PTPRG: variants seen among roughly 807,000 people sequenced by gnomAD.
The protein encoded by PTPRG is protein tyrosine phosphatase receptor type G.
PTPRG carries 102 observed loss-of-function variants against 165.3 expected under a neutral mutation model. The ratio of observed to expected loss-of-function variants is 0.62; its 90% CI spans 0.53 to 0.73. The LOEUF is 0.73. Among genes scored for constraint, PTPRG ranks in the 30% least tolerant of loss-of-function variants. PTPRG has a pLI of 0.00. For missense variants in PTPRG, 1,866 were observed against 1,861.4 expected (o/e 1.00, Z -0.05); for synonymous variants, 675 against 669.5 (o/e 1.01, Z -0.13).
intron 5 of PTPRG, among the ~76,000 whole-genome samples, chr3:62,102,408 T>C (rs969766868): frequency 3.3e-5 from 5 of 151,922 alleles, no homozygotes; most frequent in African/African-American, 1.2e-4. Context: ...CCGAGTAGCG[T>C]GGGACAGGTG....
At chr3:61,941,417 G>A (rs1015925016) in intron 2 of PTPRG, among the ~76,000 whole-genome samples, 1 of 152,230 alleles carries the variant, frequency 6.6e-6, no homozygotes, top group Admixed American at 6.5e-5. Context: ...GAGGTTAGGA[G>A]ATCGAGACCG....
intron 1 of PTPRG, among the ~76,000 whole-genome samples, chr3:61,563,754 C>G (rs960445148): frequency 1.3e-5 from 2 of 152,188 alleles, no homozygotes; most frequent in Admixed American, 1.3e-4. Context: ...CAGCGGGTCC[C>G]TTAGTCCCGT....
intron 28 of PTPRG, among the ~76,000 whole-genome samples, chr3:62,287,135 C>A (rs1421455163): frequency 6.6e-6 from 1 of 152,098 alleles, no homozygotes; most frequent in Non-Finnish European, 1.5e-5. Context: ...TGTTACCTGA[C>A]TTTTCTATAT....
chr3:61,656,284 T>C (rs892286510), intron 1 of PTPRG, among the ~76,000 whole-genome samples: 2 of 151,996 alleles, frequency 1.3e-5, no homozygotes, highest in African/African-American at 4.8e-5. Flanking sequence ...TCCTTCTGAG[T>C]GTGTGAGCAT....
chr3:61,964,771 T>C (rs2040230168), intron 2 of PTPRG, among the ~76,000 whole-genome samples: 1 of 152,154 alleles, frequency 6.6e-6, no homozygotes. Flanking sequence ...TTCTCTCTGC[T>C]TTTTTATGGC....
At position 61,619,457 on chromosome 3, in the gene PTPRG, G is replaced by T. The variant is rs533448675; in HGVS notation, c.85+57085G>T. Among the ~76,000 whole-genome samples the T allele has an allele frequency of 3.9e-5, 6 of 152,278 alleles. No individual in the cohort carries two copies. In the South Asian group the frequency reaches 1.2e-3, roughly 32 times the overall value. On this transcript the variant is annotated intron_variant, in intron 1 of 29. Transcript: ENST00000474889. ...TGGGAGGATGGTGCTACTGGCATTT[G>T]GTAGGTAGAGGCCAGGCATGCTGCT...
At chr3:61,722,719 C>T (rs529806490) in intron 1 of PTPRG, among the ~76,000 whole-genome samples, 111 of 152,182 alleles carry the variant, frequency 7.3e-4, no homozygotes, top group African/African-American at 2.5e-3. Flanking sequence ...AAATGAGTAA[C>T]GGTGAATTTT....
At chr3:61,951,703 A>G (rs1035043062) in intron 2 of PTPRG, among the ~76,000 whole-genome samples, 3 of 152,296 alleles carry the variant, frequency 2.0e-5, no homozygotes, top group East Asian at 1.9e-4. Context: ...CTTGGCAACA[A>G]TTGACTTCTA....
intron 2 of PTPRG, among the ~76,000 whole-genome samples, chr3:61,886,484 G>T (rs1044432367): frequency 6.6e-6 from 1 of 152,186 alleles, no homozygotes; most frequent in Non-Finnish European, 1.5e-5. Flanking sequence ...CTAGGAGTCA[G>T]TAAGATAGTG....
intron 7 of PTPRG, among the ~76,000 whole-genome samples, chr3:62,159,215 C>T (rs1319614829): frequency 6.6e-6 from 1 of 151,884 alleles, no homozygotes; most frequent in Admixed American, 6.6e-5. Context: ...CTGTTGATCC[C>T]AGCTGCTTGG....
chr3:61,644,612 C>T (rs1246669841), intron 1 of PTPRG, among the ~76,000 whole-genome samples: 1 of 152,152 alleles, frequency 6.6e-6, no homozygotes, highest in African/African-American at 2.4e-5. Context: ...TGTTCCATCT[C>T]TATCCGAAAT....
At chr3:61,597,561 C>T (rs897607746) in intron 1 of PTPRG, among the ~76,000 whole-genome samples, 1 of 152,136 alleles carries the variant, frequency 6.6e-6, no homozygotes, top group African/African-American at 2.4e-5. Context: ...CATGTAAGTC[C>T]ATTTGTTAAA....
intron 6 of PTPRG, among the ~76,000 whole-genome samples, chr3:62,137,727 G>C (rs966070696): frequency 1.3e-5 from 2 of 152,042 alleles, no homozygotes; most frequent in African/African-American, 4.8e-5. Context: ...CACTGAGCTG[G>C]TCATCACTCG....
intron 2 of PTPRG, among the ~76,000 whole-genome samples, chr3:61,861,467 GTTA>G (rs1465300604): frequency 6.6e-6 from 1 of 152,200 alleles, no homozygotes; most frequent in Non-Finnish European, 1.5e-5. Flanking sequence ...ACAGTTCCCT[GTTA>G]TTAGAGTCCT....
intron 15 of PTPRG, 55 bp downstream of exon 15, chr3:62,243,953 C>A: frequency 8.8e-7 from 1 of 1,132,626 alleles, no homozygotes; most frequent in Non-Finnish European, 1.3e-6. Context: ...CTCTTTTATT[C>A]TCAGTTTTAT....
At chr3:61,568,321 A>G (rs897696539) in intron 1 of PTPRG, among the ~76,000 whole-genome samples, 6 of 152,226 alleles carry the variant, frequency 3.9e-5, no homozygotes, top group Non-Finnish European at 7.3e-5. Context: ...CTGTCAGGAA[A>G]GTCTGTGATG....
intron 8 of PTPRG, among the ~76,000 whole-genome samples, chr3:62,189,957 C>G (rs116554205): frequency 0.013 from 2,055 of 152,290 alleles, 20 homozygotes; most frequent in Middle Eastern, 0.11. Flanking sequence ...GCTCCCACCC[C>G]CTTCATCTCC....
chr3:62,244,193 A>C (rs1460096710), intron 15 of PTPRG, among the ~76,000 whole-genome samples: 1 of 152,248 alleles, frequency 6.6e-6, no homozygotes, highest in Non-Finnish European at 1.5e-5. Flanking sequence ...AATTTGTGAC[A>C]CATTTTTTTA....
chr3:62,027,468 C>G (rs745602776), intron 4 of PTPRG, among the ~76,000 whole-genome samples: 1 of 152,188 alleles, frequency 6.6e-6, no homozygotes, highest in Non-Finnish European at 1.5e-5. Context: ...AAATCAGCTC[C>G]TCACATACCC....
Sources: gnomAD v4.1 joint callset for allele counts (sites outside exome capture counted in the v4.1 genomes callset) on GRCh38, gnomAD v4.1.1 for gene constraint, MANE v1.5 for transcripts, NCBI Gene and HGNC (gene_info 2026-07-23, HGNC 2026-07-21) for gene names.